USP25: variants seen among roughly 807,000 people sequenced by gnomAD.
The protein encoded by USP25 is ubiquitin specific peptidase 25, also known as ubiquitin carboxyl-terminal hydrolase 25.
Under a neutral mutation model 158.5 loss-of-function variants are expected in USP25, and 85 were observed. The ratio of observed to expected loss-of-function variants is 0.54; its 90% CI spans 0.45 to 0.64. The LOEUF is 0.64. Among genes scored for constraint, USP25 ranks in the 30% least tolerant of loss-of-function variants. The pLI, the probability that USP25 is intolerant of heterozygous loss-of-function variation, is 0.00. For missense variants in USP25, 1,242 were observed against 1,327.3 expected (o/e 0.94, Z 1.00); for synonymous variants, 464 against 460.4 (o/e 1.01, Z -0.10).
rs112784230 is a variant in USP25 at position 15,837,941 on chromosome 21, CT to C, written c.2194+4405del. On this transcript the variant is annotated intron_variant, in intron 17 of 25. Coordinates refer to ENST00000400183, the MANE Select transcript of USP25 (RefSeq NM_001283041.3). Reference sequence around the variant, plus strand: ...TTGAAAGCAGGAACTAGGTGATATTCTTTTTTTTTTTTCTGAGACAGTTTCA... The same window carrying C: ...TTGAAAGCAGGAACTAGGTGATATTCTTTTTTTTTTTCTGAGACAGTTTCA... Among the ~76,000 whole-genome samples, 60 of 145,524 alleles carry C rather than the reference CT, an allele frequency of 4.1e-4. 1 individual carries two copies. Among genetic ancestry groups the C allele is most frequent in the African/African-American group, 4.5e-4 (18 of 39,962 alleles).
intron 11 of USP25, 47 bp from the exon 12 acceptor site, chr21:15,824,919 T>C (rs1252569268): frequency 6.0e-6 from 9 of 1,489,504 alleles, no homozygotes; most frequent in Non-Finnish European, 8.4e-6. Flanking sequence ...ATATTGCATC[T>C]ACTTTCATGA....
chr21:15,804,730 G>A (rs1222498242), intron 6 of USP25, among the ~76,000 whole-genome samples: 2 of 152,118 alleles, frequency 1.3e-5, no homozygotes, highest in Non-Finnish European at 2.9e-5. Flanking sequence ...ACAGTGCCTG[G>A]CATGTAGTGA....
At chr21:15,773,798 T>C (rs190071560) in intron 3 of USP25, among the ~76,000 whole-genome samples, 14 of 152,304 alleles carry the variant, frequency 9.2e-5, no homozygotes, top group African/African-American at 3.4e-4. Flanking sequence ...CATATTAAAA[T>C]GTCAGTCTAT....
chr21:15,870,205 G>T, intron 23 of USP25, 58 bp downstream of exon 23: 1 of 1,159,894 alleles, frequency 8.6e-7, no homozygotes. Context: ...ATTCTATTCA[G>T]GTGTGACCTC....
chr21:15,831,516 C>T lies in USP25; in HGVS notation c.1880C>T (p.Ala627Val). 6.2e-7 allele frequency: 1 copy of T among 1,613,942 alleles called. No homozygotes were observed. Among genetic ancestry groups the T allele is most frequent in the Non-Finnish European group, 8.5e-7 (1 of 1,179,878 alleles). ...AGATGGATGAAGTACAATGATATTG[C>T]TGTGACAAAATCATCATGGGAAGAG... The part of the protein sequence containing the change: ...ESRWMKYNDI[A>V]VTKSSWEELV... Residue 627 changes from alanine (A) to valine (V), a missense_variant, in exon 16 of 26, where the codon GCT (alanine) becomes GTT (valine). Physicochemically the swap from Ala to Val is moderately conservative, Grantham distance 64. Transcript: ENST00000400183.
At chr21:15,865,659 G>A (rs1392539345) in intron 21 of USP25, among the ~76,000 whole-genome samples, 2 of 152,140 alleles carry the variant, frequency 1.3e-5, no homozygotes, top group African/African-American at 4.8e-5. Context: ...TGTTTAATTT[G>A]GAGAAGATAT....
intron 20 of USP25, among the ~76,000 whole-genome samples, chr21:15,861,534 A>G (rs1401993046): frequency 6.6e-6 from 1 of 152,148 alleles, no homozygotes. Flanking sequence ...TATGAGACAA[A>G]TATAATGTTA....
At chr21:15,799,934 A>G in intron 6 of USP25, 91 bp downstream of exon 6, 1 of 681,706 alleles carries the variant, frequency 1.5e-6, no homozygotes, top group Non-Finnish European at 2.3e-6. Flanking sequence ...TGGCTCATCA[A>G]ATCTGAAACT....
At chr21:15,790,545 A>T (rs1476526961) in intron 4 of USP25, among the ~76,000 whole-genome samples, 1 of 151,944 alleles carries the variant, frequency 6.6e-6, no homozygotes, top group Non-Finnish European at 1.5e-5. Flanking sequence ...ATAAACCAAA[A>T]AGTTGAAAAA....
intron 17 of USP25, 66 bp from the exon 18 acceptor site, chr21:15,842,332 A>G: frequency 6.0e-6 from 9 of 1,493,966 alleles, no homozygotes. Flanking sequence ...AAATGAATAA[A>G]AGATTTATCT....
At chr21:15,847,564 T>C (rs987757928) in intron 18 of USP25, 99 bp from the exon 19 acceptor site, 2 of 766,130 alleles carry the variant, frequency 2.6e-6, no homozygotes, top group African/African-American at 3.5e-5. Context: ...GATACAGGGC[T>C]GCTGCTTAGG....
At chr21:15,855,833 A>T (rs1601142564) in intron 20 of USP25, among the ~76,000 whole-genome samples, 4 of 152,336 alleles carry the variant, frequency 2.6e-5, no homozygotes, top group African/African-American at 9.6e-5. Context: ...GTCTGTCCGT[A>T]CCCAAAAGTA....
intron 1 of USP25, among the ~76,000 whole-genome samples, chr21:15,740,641 GTTTTTTTTTTTTTTTTTT>G (rs60616271): frequency 5.3e-4 from 22 of 41,306 alleles, no homozygotes; most frequent in East Asian, 2.8e-3. Context: ...CTTTCTGGCT[GTTTTTTTTTTTTTTTTTT>G]TTTTTTTTTT....
At chr21:15,828,087 A>G (rs2037615655) in intron 14 of USP25, among the ~76,000 whole-genome samples, 1 of 152,136 alleles carries the variant, frequency 6.6e-6, no homozygotes, top group African/African-American at 2.4e-5. Context: ...AACAATATTG[A>G]TTGTTGGATA....
rs2036035918 is a variant in USP25, at chr21:15,799,702, C to T, written c.556-55C>T. 11 of 1,267,602 alleles carry T rather than the reference C, an allele frequency of 8.7e-6. No individual in the cohort carries two copies. The South Asian group carries it at 1.4e-4, about 17-fold the overall frequency. 78.5% of individuals were successfully genotyped at this position (1,267,602 alleles called of 1,614,324 possible). On this transcript the variant is annotated intron_variant, in intron 5 of 25. Transcript: ENST00000400183. ...AAACCTCCAAGACTAGTCATTTTTA[C>T]ATTCTGCTAATGGAATTTTCCCTCA... is the stretch of plus-strand genomic sequence containing the variant.
At chr21:15,839,434 G>T (rs9305753) in intron 17 of USP25, among the ~76,000 whole-genome samples, 8 of 152,014 alleles carry the variant, frequency 5.3e-5, no homozygotes, top group African/African-American at 1.7e-4. Context: ...GTGTATGGTA[G>T]GGTATTAGTT....
intron 23 of USP25, among the ~76,000 whole-genome samples, 179 bp downstream of exon 23, chr21:15,870,326 A>G (rs1276894402): frequency 6.6e-6 from 1 of 152,146 alleles, no homozygotes; most frequent in African/African-American, 2.4e-5. Context: ...CTTCCCATAT[A>G]CCCCACATAA....
chr21:15,814,947 CT>C (rs2036859453), intron 9 of USP25, among the ~76,000 whole-genome samples: 1 of 152,176 alleles, frequency 6.6e-6, no homozygotes, highest in Non-Finnish European at 1.5e-5. Flanking sequence ...TGTTATAGGT[CT>C]TCCTGGCAGC....
chr21:15,856,968 C>T (rs912114678), intron 20 of USP25, among the ~76,000 whole-genome samples: 1 of 152,086 alleles, frequency 6.6e-6, no homozygotes, highest in Non-Finnish European at 1.5e-5. Flanking sequence ...TTCCACCCAC[C>T]ATAGAGGCTG....
Sources: gnomAD v4.1 joint callset for allele counts (sites outside exome capture counted in the v4.1 genomes callset) on GRCh38, gnomAD v4.1.1 for gene constraint, MANE v1.5 for transcripts, NCBI Gene and HGNC (gene_info 2026-07-23, HGNC 2026-07-21) for gene names.